The following EPHA3 variants were observed in gnomAD, a reference collection of about 807,000 sequenced individuals.
EPHA3 encodes EPH receptor A3.
Under a neutral mutation model 107.1 loss-of-function variants are expected in EPHA3, and 42 were observed. The observed-to-expected ratio is 0.39, with a 90% CI of 0.31 to 0.51. EPHA3 has a LOEUF of 0.51. Among genes scored for constraint, EPHA3 ranks in the 20% least tolerant of loss-of-function variants. EPHA3 has a pLI of 0.78. For missense variants in EPHA3, 1,183 were observed against 1,211.2 expected, an observed-to-expected ratio of 0.98 and a Z score of 0.35; for synonymous variants, 461 against 424.8, an observed-to-expected ratio of 1.09 and a Z score of -1.05.
chr3:89,451,728 C>T (rs1007995501), intron 15 of EPHA3, among the ~76,000 whole-genome samples: 3 of 152,094 alleles, frequency 2.0e-5, no homozygotes, highest in African/African-American at 4.8e-5. Flanking sequence ...TTCTCAATAT[C>T]GCTTCTCAAC....
At chr3:89,252,714 C>A (rs1277222560) in intron 3 of EPHA3, among the ~76,000 whole-genome samples, 2 of 151,948 alleles carry the variant, frequency 1.3e-5, no homozygotes, top group Non-Finnish European at 2.9e-5. Flanking sequence ...AAACATTAAC[C>A]TTTTTCTCCA....
intron 3 of EPHA3, among the ~76,000 whole-genome samples, chr3:89,333,049 C>T (rs1232710450): frequency 6.6e-6 from 1 of 152,248 alleles, no homozygotes; most frequent in East Asian, 1.9e-4. Flanking sequence ...TAACTTTACC[C>T]ATTCCCTGTA....
intron 5 of EPHA3, among the ~76,000 whole-genome samples, chr3:89,367,310 A>C (rs1357823461): frequency 1.3e-5 from 2 of 150,632 alleles, no homozygotes; most frequent in Admixed American, 1.3e-4. Flanking sequence ...CTCATCTCTC[A>C]AAAGTCAGTT....
chr3:89,191,934 G>T (rs1357330206), intron 2 of EPHA3, among the ~76,000 whole-genome samples: 1 of 152,174 alleles, frequency 6.6e-6, no homozygotes, highest in Non-Finnish European at 1.5e-5. Flanking sequence ...AAAGAAGCAG[G>T]TGCAGCTTTT....
chr3:89,226,534 T>G (rs1465688496), intron 3 of EPHA3, among the ~76,000 whole-genome samples: 1 of 152,156 alleles, frequency 6.6e-6, no homozygotes, highest in Admixed American at 6.6e-5. Context: ...GTACAATTTG[T>G]CATAACATAC....
At chr3:89,256,145 G>A (rs1242510100) in intron 3 of EPHA3, among the ~76,000 whole-genome samples, 3 of 152,152 alleles carry the variant, frequency 2.0e-5, no homozygotes, top group Admixed American at 2.0e-4. Context: ...CAGCTACTCG[G>A]GAGGCTGAGG....
intron 3 of EPHA3, among the ~76,000 whole-genome samples, chr3:89,279,491 A>C: frequency 6.6e-6 from 1 of 152,284 alleles, no homozygotes; most frequent in South Asian, 2.1e-4. Flanking sequence ...TAGCTAAGAA[A>C]TATGTCTAAG....
chr3:89,427,047 C>T (rs1709471155), intron 11 of EPHA3, among the ~76,000 whole-genome samples: 1 of 151,658 alleles, frequency 6.6e-6, no homozygotes, highest in African/African-American at 2.4e-5. Flanking sequence ...TTTGATAAAG[C>T]AAATTCTGGG....
At chr3:89,307,792 A>G (rs1244871690) in intron 3 of EPHA3, among the ~76,000 whole-genome samples, 3 of 152,120 alleles carry the variant, frequency 2.0e-5, no homozygotes, top group Non-Finnish European at 4.4e-5. Flanking sequence ...GGCTCGAATG[A>G]TCTGCCCACC....
In EPHA3 at chr3:89,395,971, C is replaced by A. The variant is rs780904318; in HGVS notation, c.1431+10C>A. 2 of 1,613,304 alleles carry A rather than the reference C, an allele frequency of 1.2e-6. No homozygotes were observed. The highest frequency in any genetic ancestry group is 1.3e-5 in the African/African-American group (1 of 74,908). ...CAAATACTATGAAAAGGTGGGGAAA[C>A]AATGTTTAAGGGTTGGGCTGTGTAG... On this transcript the variant is annotated intron_variant, in intron 6 of 16. Coordinates refer to ENST00000336596, the MANE Select transcript of EPHA3 (RefSeq NM_005233.6).
chr3:89,284,554 C>T (rs1463221483), intron 3 of EPHA3, among the ~76,000 whole-genome samples: 1 of 151,990 alleles, frequency 6.6e-6, no homozygotes, highest in Non-Finnish European at 1.5e-5. Flanking sequence ...TAGAAAATAA[C>T]AATTTCCTGC....
rs1344684367 is a variant in EPHA3, at chr3:89,480,557, A to G, written c.*1055A>G. On this transcript the variant is annotated 3_prime_UTR_variant, in exon 17 of 17. Coordinates refer to ENST00000336596, the MANE Select transcript of EPHA3 (RefSeq NM_005233.6). ...TCCGAGAATAGCTCCACTGGAGAGA[A>G]GTGGAATCCTATATAGAATGCTGCA... is the stretch of plus-strand genomic sequence containing the variant. The G allele has an allele frequency of 4.3e-6, 1 of 232,884 alleles. No homozygotes were observed. Among genetic ancestry groups the G allele is most frequent in the African/African-American group, 2.2e-5 (1 of 45,292 alleles). The allele number at this position is 232,884 out of a possible 1,614,324, so 14.4% of individuals were successfully genotyped here.
chr3:89,212,634 T>C (rs1202472890), intron 3 of EPHA3, among the ~76,000 whole-genome samples: 4 of 151,860 alleles, frequency 2.6e-5, no homozygotes, highest in Admixed American at 1.3e-4. Context: ...TAATGAATTA[T>C]GTTATCTGTT....
chr3:89,181,660 A>G (rs1418244433), intron 2 of EPHA3, among the ~76,000 whole-genome samples: 2 of 152,034 alleles, frequency 1.3e-5, no homozygotes, highest in Non-Finnish European at 2.9e-5. Flanking sequence ...CTTCAGAATT[A>G]TGAGATATCA....
chr3:89,472,741 C>G, intron 16 of EPHA3, 122 bp downstream of exon 16: 1 of 1,130,716 alleles, frequency 8.8e-7, no homozygotes, highest in Non-Finnish European at 1.2e-6. Flanking sequence ...ATCTGAGGTA[C>G]TGACTACCGC....
intron 2 of EPHA3, among the ~76,000 whole-genome samples, chr3:89,184,059 C>T (rs184404785): frequency 9.9e-5 from 15 of 151,436 alleles, no homozygotes; most frequent in South Asian, 8.3e-4. Context: ...TCACATGATT[C>T]GGAGCAGTGT....
chr3:89,186,336 A>T (rs1705565135), intron 2 of EPHA3, among the ~76,000 whole-genome samples: 1 of 152,026 alleles, frequency 6.6e-6, no homozygotes, highest in Admixed American at 6.6e-5. Flanking sequence ...TTTTATAATG[A>T]TACAATCTGT....
At chr3:89,243,840 G>C (rs1400040812) in intron 3 of EPHA3, among the ~76,000 whole-genome samples, 1 of 151,932 alleles carries the variant, frequency 6.6e-6, no homozygotes, top group Non-Finnish European at 1.5e-5. Context: ...AAAGCCATTT[G>C]GTGAGACATT....
chr3:89,235,322 C>T (rs909796844), intron 3 of EPHA3, among the ~76,000 whole-genome samples: 16 of 151,978 alleles, frequency 1.1e-4, no homozygotes, highest in African/African-American at 2.7e-4. Context: ...AATACTGTTT[C>T]GACATTCAAA....
Sources: allele counts gnomAD v4.1 joint callset (sites outside exome capture counted in the v4.1 genomes callset), GRCh38; gene constraint gnomAD v4.1.1; transcripts MANE v1.5; gene names NCBI Gene and HGNC (gene_info 2026-07-23, HGNC 2026-07-21).